The following OSTM1 variants were observed in gnomAD, a reference collection of about 807,000 sequenced individuals.
The protein encoded by OSTM1 is osteopetrosis-associated transmembrane protein 1.
OSTM1 carries 26 observed loss-of-function variants against 35.4 expected under a neutral mutation model. The ratio of observed to expected loss-of-function variants is 0.73; its 90% confidence interval spans 0.54 to 1.02. The LOEUF is 1.02. OSTM1 is among the 50% of genes least tolerant of loss of function. The pLI, the probability that OSTM1 is intolerant of heterozygous loss-of-function variation, is 0.00. For missense variants in OSTM1, 366 were observed against 409.6 expected (o/e 0.89, Z 0.92); for synonymous variants, 181 against 165.0 (o/e 1.10, Z -0.75).
At chr6:108,067,118 C>T (rs1188507109) in intron 1 of OSTM1, among the ~76,000 whole-genome samples, 1 of 152,108 alleles carries the variant, frequency 6.6e-6, no homozygotes, top group Non-Finnish European at 1.5e-5. Context: ...TTTCTGTCTG[C>T]TCATTCTCTC....
rs772403522 is a variant in OSTM1, at chr6:108,060,304, C to T, written c.517+3881G>A. Among the ~76,000 whole-genome samples the T allele has an allele frequency of 2.0e-4, 31 of 152,194 alleles. No homozygotes were observed. In the Middle Eastern group the frequency reaches 0.01, roughly 50 times the overall value. On this transcript the variant is annotated intron_variant, in intron 2 of 5. Coordinates refer to ENST00000193322, the MANE Select transcript of OSTM1 (RefSeq NM_014028.4). ...GATGCCTCACAGAAGAACAAAATACCCTAAGAATTTATTCTAAAGCATTTT... is the reference window on the plus strand; with the variant it reads ...GATGCCTCACAGAAGAACAAAATACTCTAAGAATTTATTCTAAAGCATTTT...
chr6:108,046,698 C>T (rs746965745), intron 5 of OSTM1, among the ~76,000 whole-genome samples: 11 of 152,058 alleles, frequency 7.2e-5, no homozygotes, highest in Non-Finnish European at 1.6e-4. Context: ...ACTTCCTGGA[C>T]GAGTGTACTG....
chr6:108,069,338 A>G (rs9400196), intron 1 of OSTM1, among the ~76,000 whole-genome samples: 6,655 of 152,286 alleles, frequency 0.044, 438 homozygotes, highest in Admixed American at 0.19. Flanking sequence ...AATGAAAGAC[A>G]CAGATTATTA....
At chr6:108,053,429 C>A (rs1316479869) in intron 3 of OSTM1, among the ~76,000 whole-genome samples, 1 of 152,220 alleles carries the variant, frequency 6.6e-6, no homozygotes, top group Admixed American at 6.5e-5. Flanking sequence ...ATTTCCCAAC[C>A]TTAATGGAAT....
chr6:108,046,269 C>G (rs1197141521), intron 5 of OSTM1, among the ~76,000 whole-genome samples: 2 of 150,170 alleles, frequency 1.3e-5, no homozygotes, highest in African/African-American at 4.9e-5. Context: ...ATCCGTCTGC[C>G]CCGGCCTCCC....
At position 108,054,459 on chromosome 6, in the gene OSTM1, A is replaced by G. The variant is rs547287825; in HGVS notation, c.615+31T>C. On this transcript the variant is annotated intron_variant, in intron 3 of 5. Transcript: ENST00000193322. ...ACATTATTCCTTTGTACAAGGCAGC[A>G]TTTTAATTTTAAATATTATATATAA... 1.6e-5 allele frequency: 16 copies of G among 991,442 alleles called. No individual in the cohort carries two copies. The East Asian group carries it at 3.9e-4, about 24-fold the overall frequency. 61.4% of individuals were successfully genotyped at this position (991,442 alleles called of 1,614,324 possible). A position where few individuals can be genotyped will look rare whatever the true frequency, so the allele number is the denominator to read the frequency against.
At chr6:108,044,921 G>T (rs968017561) in intron 5 of OSTM1, 81 bp from the exon 6 acceptor site, 6 of 679,498 alleles carry the variant, frequency 8.8e-6, no homozygotes, top group Non-Finnish European at 1.4e-5. Flanking sequence ...GTAATCTATA[G>T]TATTTATCTA....
At chr6:108,061,749 C>T (rs1357615869) in intron 2 of OSTM1, among the ~76,000 whole-genome samples, 1 of 151,648 alleles carries the variant, frequency 6.6e-6, no homozygotes, top group Non-Finnish European at 1.5e-5. Context: ...AAAAATGTTG[C>T]CCAGGCTGGT....
At chr6:108,050,944 C>T in intron 4 of OSTM1, 87 bp downstream of exon 4, 1 of 1,123,154 alleles carries the variant, frequency 8.9e-7, no homozygotes, top group Middle Eastern at 2.6e-4. Flanking sequence ...ATGCAGATTC[C>T]ACCCTATCAC....
intron 2 of OSTM1, among the ~76,000 whole-genome samples, chr6:108,055,981 C>A (rs1481551470): frequency 6.6e-6 from 1 of 152,138 alleles, no homozygotes; most frequent in African/African-American, 2.4e-5. Flanking sequence ...GGAAAGACAA[C>A]ATGCAAAGCT....
At chr6:108,057,249 T>C (rs1582391994) in intron 2 of OSTM1, among the ~76,000 whole-genome samples, 1 of 152,220 alleles carries the variant, frequency 6.6e-6, no homozygotes, top group East Asian at 1.9e-4. Context: ...TTAATGCTAG[T>C]TTAATATCAT....
intron 1 of OSTM1, chr6:108,073,575 C>T (rs528740181): frequency 6.6e-6 from 1 of 152,320 alleles, no homozygotes; most frequent in South Asian, 2.1e-4. Context: ...CTAAAACCTC[C>T]TTTTATCCCC....
intron 1 of OSTM1, among the ~76,000 whole-genome samples, chr6:108,064,647 C>T: frequency 6.6e-6 from 1 of 152,198 alleles, no homozygotes. Flanking sequence ...TATTTCCTTT[C>T]CTTCGTGCCC....
intron 2 of OSTM1, among the ~76,000 whole-genome samples, chr6:108,059,653 A>G (rs1227769451): frequency 6.6e-6 from 1 of 152,122 alleles, no homozygotes; most frequent in Non-Finnish European, 1.5e-5. Context: ...CTGTTATTTA[A>G]TAATATTATT....
chr6:108,057,235 C>T (rs1247472421), intron 2 of OSTM1, among the ~76,000 whole-genome samples: 1 of 152,076 alleles, frequency 6.6e-6, no homozygotes, highest in Non-Finnish European at 1.5e-5. Context: ...TCTCATTGCC[C>T]CTCTTAATGC....
rs776401339 is a variant in OSTM1 at position 108,044,782 on chromosome 6, G to T, written c.*3C>A. ...GATATGTCAATTCTCCATTTTGTAG[G>T]TCTCAGTTTGAATTTTCCTGAATAT... On this transcript the variant is annotated 3_prime_UTR_variant, in exon 6 of 6. Coordinates refer to ENST00000193322, the MANE Select transcript of OSTM1 (RefSeq NM_014028.4). 4 of 1,543,412 alleles carry T rather than the reference G, an allele frequency of 2.6e-6. No homozygotes were observed. The highest frequency in any genetic ancestry group is 3.6e-6 in the Non-Finnish European group (4 of 1,120,342).
chr6:108,049,922 C>T (rs1772045990), intron 4 of OSTM1, among the ~76,000 whole-genome samples: 1 of 152,190 alleles, frequency 6.6e-6, no homozygotes, highest in South Asian at 2.1e-4. Context: ...TGATAATTCA[C>T]ACATTCTCAA....
intron 1 of OSTM1, among the ~76,000 whole-genome samples, chr6:108,069,507 A>G (rs1772445137): frequency 6.6e-6 from 1 of 152,218 alleles, no homozygotes; most frequent in South Asian, 2.1e-4. Flanking sequence ...AGGTAGATGG[A>G]TGGATCTATA....
rs569284557 is a variant in OSTM1 at position 108,070,148 on chromosome 6, C to T, written c.402+4102G>A. Among the ~76,000 whole-genome samples, 14 of 152,286 alleles carry T rather than the reference C, an allele frequency of 9.2e-5. No individual in the cohort carries two copies. The South Asian group carries it at 2.9e-3, about 32-fold the overall frequency. Reference sequence around the variant, plus strand: ...AGCCTCCCAGGCTCAAGTGATTCTCCCACCTCAGCCTCCTGAGTAGCTGGG... The same window carrying T: ...AGCCTCCCAGGCTCAAGTGATTCTCTCACCTCAGCCTCCTGAGTAGCTGGG... On this transcript the variant is annotated intron_variant, in intron 1 of 5. Transcript: ENST00000193322.
Sources: allele counts gnomAD v4.1 joint callset (sites outside exome capture counted in the v4.1 genomes callset), GRCh38; gene constraint gnomAD v4.1.1; transcripts MANE v1.5; gene names NCBI Gene and HGNC (gene_info 2026-07-23, HGNC 2026-07-21).